PSMD9: variants seen among roughly 807,000 people sequenced by gnomAD.
PSMD9 encodes the protein proteasome 26S subunit, non-ATPase 9.
PSMD9 carries 26 observed loss-of-function variants against 25.9 expected under a neutral mutation model. That is an observed-to-expected ratio of 1.00 (90% CI 0.73 to 1.39). PSMD9 has a LOEUF of 1.39. Among genes scored for constraint, PSMD9 ranks in the 40% most tolerant of loss-of-function variants. The probability of loss-of-function intolerance (pLI) is 0.00; values close to 1 mark genes in which losing one functional copy is unlikely to be tolerated. For missense variants in PSMD9, 303 were observed against 299.3 expected (o/e 1.01, Z -0.09); for synonymous variants, 110 against 114.5 (o/e 0.96, Z 0.25).
At chr12:121,894,709 G>A (rs1216042098) in intron 1 of PSMD9, 30 bp from the exon 2 acceptor site, 1 of 1,590,078 alleles carries the variant, frequency 6.3e-7, no homozygotes, top group East Asian at 2.2e-5. Context: ...ACACCCATGA[G>A]CACCTTTTAA....
intron 1 of PSMD9, chr12:121,894,339 C>T (rs1879171220): frequency 5.9e-6 from 1 of 170,510 alleles, no homozygotes; most frequent in Admixed American, 5.8e-5. Flanking sequence ...AGCCCTGCCA[C>T]AGCTGGGTGC....
At chr12:121,900,986 A>T (rs985768356) in intron 3 of PSMD9, among the ~76,000 whole-genome samples, 25 of 117,424 alleles carry the variant, frequency 2.1e-4, no homozygotes, top group Admixed American at 1.6e-4. Flanking sequence ...GACTCTGTCT[A>T]AAAAAAAAAA....
At chr12:121,899,368 C>T in intron 2 of PSMD9, 2 of 454,550 alleles carry the variant, frequency 4.4e-6, no homozygotes, top group Non-Finnish European at 8.1e-6. Context: ...TCCCTCATAT[C>T]CTAGACTAGC....
At chr12:121,910,842 A>G in intron 4 of PSMD9, 1 of 399,556 alleles carries the variant, frequency 2.5e-6, no homozygotes, top group Non-Finnish European at 5.1e-6. Context: ...TTTTGCAAAT[A>G]TCACCCCTAC....
At chr12:121,895,603 T>A (rs1879206855) in intron 2 of PSMD9, among the ~76,000 whole-genome samples, 1 of 152,152 alleles carries the variant, frequency 6.6e-6, no homozygotes, top group South Asian at 2.1e-4. Context: ...TTCCAAAGGC[T>A]GCCCACCGTC....
chr12:121,910,725 A>T (rs1592949637), intron 4 of PSMD9, among the ~76,000 whole-genome samples: 1 of 151,600 alleles, frequency 6.6e-6, no homozygotes, highest in Admixed American at 6.6e-5. Flanking sequence ...ACGCCACTGC[A>T]CTCTGGCCTG....
At chr12:121,914,960 C>A (rs1326666301) in intron 4 of PSMD9, 1 of 152,086 alleles carries the variant, frequency 6.6e-6, no homozygotes, top group Non-Finnish European at 1.5e-5. Context: ...TGGAAGTAAC[C>A]ACTCTTAACA....
At chr12:121,905,885 G>A (rs550649424) in intron 4 of PSMD9, among the ~76,000 whole-genome samples, 1 of 151,970 alleles carries the variant, frequency 6.6e-6, no homozygotes, top group Admixed American at 6.5e-5. Flanking sequence ...CCACGATGAA[G>A]GTCAAGAGCA....
chr12:121,890,972 C>T (rs1879054223), intron 1 of PSMD9, among the ~76,000 whole-genome samples: 1 of 150,346 alleles, frequency 6.7e-6, no homozygotes, highest in Admixed American at 6.6e-5. Flanking sequence ...TTGGGCCGGG[C>T]CTGGTGGCTC....
At chr12:121,912,780 C>T (rs1273533935) in intron 4 of PSMD9, among the ~76,000 whole-genome samples, 11 of 147,916 alleles carry the variant, frequency 7.4e-5, no homozygotes, top group East Asian at 6.2e-4. Flanking sequence ...GCAGGAGAAT[C>T]GCTTGAGCCC....
intron 4 of PSMD9, among the ~76,000 whole-genome samples, chr12:121,908,829 A>C (rs865960255): frequency 1.3e-5 from 2 of 152,074 alleles, no homozygotes; most frequent in Admixed American, 6.6e-5. Context: ...AAAGCCTTCA[A>C]AGCAGGTTCA....
intron 3 of PSMD9, among the ~76,000 whole-genome samples, chr12:121,900,757 G>A (rs1879370531): frequency 1.3e-5 from 2 of 149,500 alleles, no homozygotes. Context: ...AGGCTTAGGT[G>A]GGCGATCACC....
chr12:121,888,842 G>C lies in PSMD9; in HGVS notation c.-15G>C, dbSNP rs754887921. 44 of 1,597,834 alleles carry C rather than the reference G, an allele frequency of 2.8e-5. No individual in the cohort carries two copies. Among genetic ancestry groups the C allele is most frequent in the Non-Finnish European group, 3.6e-5 (42 of 1,173,428 alleles). ...CCGGGAGCCGGGTCTCTGGAGTCGC[G>C]GCCCGGGGTTCACGATGTCCGACGA... On this transcript the variant is annotated 5_prime_UTR_variant, in exon 1 of 6. Transcript: ENST00000541212.
chr12:121,896,721 A>C (rs1182814082), intron 2 of PSMD9, among the ~76,000 whole-genome samples: 2 of 151,674 alleles, frequency 1.3e-5, no homozygotes, highest in Non-Finnish European at 2.9e-5. Flanking sequence ...CTGTAATCCC[A>C]GCTACTCAGG....
At chr12:121,913,407 T>C (rs536016351) in intron 4 of PSMD9, among the ~76,000 whole-genome samples, 1 of 152,212 alleles carries the variant, frequency 6.6e-6, no homozygotes, top group Admixed American at 6.5e-5. Context: ...CAGATTTTTT[T>C]GTTGATGTTG....
intron 2 of PSMD9, among the ~76,000 whole-genome samples, chr12:121,895,708 C>T (rs986330695): frequency 2.0e-5 from 3 of 152,208 alleles, no homozygotes; most frequent in Non-Finnish European, 4.4e-5. Context: ...TCTCCTGCCT[C>T]CCTCTTTCAC....
At chr12:121,901,207 C>T (rs1037876286) in intron 3 of PSMD9, among the ~76,000 whole-genome samples, 2 of 152,092 alleles carry the variant, frequency 1.3e-5, no homozygotes, top group African/African-American at 2.4e-5. Context: ...CCCAGCTCCC[C>T]GCACCCAGTT....
chr12:121,895,436 T>C (rs1347139960), intron 2 of PSMD9, among the ~76,000 whole-genome samples: 1 of 152,236 alleles, frequency 6.6e-6, no homozygotes, highest in African/African-American at 2.4e-5. Flanking sequence ...GATTGGATAG[T>C]ATATTTGTTT....
At position 121,903,184 on chromosome 12, in the gene PSMD9, A is replaced by G. The variant is rs190818655; in HGVS notation, c.555+77A>G. 144 of 1,288,476 alleles carry G rather than the reference A, an allele frequency of 1.1e-4. No individual in the cohort carries two copies. In the African/African-American group the frequency reaches 1.8e-3, roughly 16 times the overall value. The allele number at this position is 1,288,476 out of a possible 1,614,324, so 79.8% of individuals were successfully genotyped here. On this transcript the variant is annotated intron_variant, in intron 4 of 5. Transcript: ENST00000541212. ...GCCATAGACTGCGTGGCTTACAAAC[A>G]ACAGAAGTTCATTTTTCACAGCTCT...
Sources: allele counts gnomAD v4.1 joint callset (sites outside exome capture counted in the v4.1 genomes callset), GRCh38; gene constraint gnomAD v4.1.1; transcripts MANE v1.5; gene names NCBI Gene and HGNC (gene_info 2026-07-23, HGNC 2026-07-21).